Variants in SETD3 observed in about 807,000 individuals in gnomAD.
SETD3 encodes the protein SET domain containing 3, actin N3(tau)-histidine methyltransferase.
SETD3 carries 19 observed loss-of-function variants against 63.0 expected under a neutral mutation model. That is an observed-to-expected ratio of 0.30 (90% CI 0.21 to 0.44). The LOEUF (loss-of-function observed/expected upper bound fraction) is 0.44. Ranked by LOEUF, SETD3 falls within the 20% of genes least tolerant of loss-of-function variation. The pLI is 1.00. For synonymous variants in SETD3, 286 were observed against 264.1 expected (o/e 1.08, Z -0.80); for missense variants, 587 against 728.5 (o/e 0.81, Z 2.24).
At chr14:99,406,423 C>T in intron 9 of SETD3, 93 bp downstream of exon 9, 1 of 1,173,050 alleles carries the variant, frequency 8.5e-7, no homozygotes, top group South Asian at 1.3e-5. Context: ...CATTTTTTCC[C>T]CTAAGTTAAG....
intron 6 of SETD3, among the ~76,000 whole-genome samples, chr14:99,448,224 G>A (rs1894245774): frequency 6.6e-6 from 1 of 152,086 alleles, no homozygotes; most frequent in Admixed American, 6.5e-5. Flanking sequence ...AATGAGGACT[G>A]AAACTCCCTC....
chr14:99,400,021 G>GT, intron 12 of SETD3, 78 bp downstream of exon 12: 1 of 1,341,618 alleles, frequency 7.5e-7, no homozygotes. Context: ...GATTACAGGC[G>GT]TGAGCCACCG....
intron 4 of SETD3, 68 bp from the exon 5 acceptor site, chr14:99,459,253 C>T (rs374978488): frequency 1.1e-4 from 126 of 1,117,052 alleles, no homozygotes; most frequent in African/African-American, 1.0e-3. Flanking sequence ...ACCATATCTA[C>T]GGTCAGAAAT....
rs1352025730 is a variant in SETD3 at position 99,398,699 on chromosome 14, T to A, written c.1765A>T (p.Thr589Ser). Residue 589 changes from threonine (T) to serine (S), a missense_variant, in exon 13 of 13, where the codon ACT becomes TCT. Coordinates refer to ENST00000331768, the MANE Select transcript of SETD3 (RefSeq NM_032233.3). ...EDAKGSSSDSTAGVKE is the reference protein window; with the variant it reads ...EDAKGSSSDSSAGVKE ...TCGAGCTACTCCTTAACTCCAGCAG[T>A]GCTGTCTGAAGAAGATCCTTTGGCG... 1.2e-6 allele frequency: 2 copies of A among 1,614,090 alleles called. No individual in the cohort carries two copies. The highest frequency in any genetic ancestry group is 4.5e-5 in the East Asian group (2 of 44,884).
chr14:99,456,379 ATCG>A (rs1894760978), intron 6 of SETD3, among the ~76,000 whole-genome samples: 1 of 152,230 alleles, frequency 6.6e-6, no homozygotes. Context: ...TCCATATTTG[ATCG>A]TCGTTGACTA....
intron 9 of SETD3, among the ~76,000 whole-genome samples, chr14:99,406,270 CAACT>C (rs1252605801): frequency 3.3e-5 from 5 of 151,992 alleles, no homozygotes; most frequent in Admixed American, 1.3e-4. Flanking sequence ...GCCAATTGTG[CAACT>C]AACTGTGTTT....
intron 1 of SETD3, among the ~76,000 whole-genome samples, chr14:99,479,800 A>G (rs527350438): frequency 6.6e-6 from 1 of 152,304 alleles, no homozygotes; most frequent in South Asian, 2.1e-4. Flanking sequence ...ACATCACCTT[A>G]TTTATTTAGA....
chr14:99,414,958 G>A (rs534552113), intron 6 of SETD3, among the ~76,000 whole-genome samples: 1 of 152,338 alleles, frequency 6.6e-6, no homozygotes, highest in South Asian at 2.1e-4. Context: ...ATCGCTCACT[G>A]TAATGTACTC....
At chr14:99,473,575 C>T (rs1417148940) in intron 1 of SETD3, among the ~76,000 whole-genome samples, 1 of 152,134 alleles carries the variant, frequency 6.6e-6, no homozygotes, top group East Asian at 1.9e-4. Context: ...CCTGCATTGA[C>T]CCAACTTCAC....
At chr14:99,479,467 A>T (rs1331543123) in intron 1 of SETD3, among the ~76,000 whole-genome samples, 1 of 152,224 alleles carries the variant, frequency 6.6e-6, no homozygotes, top group Admixed American at 6.5e-5. Flanking sequence ...AACAGTGGAG[A>T]GGAAGACTGC....
upstream of SETD3, among the ~76,000 whole-genome samples, chr14:99,481,966 A>G (rs1280795498): frequency 6.6e-6 from 1 of 152,212 alleles, no homozygotes; most frequent in Non-Finnish European, 1.5e-5. Flanking sequence ...TAAGATGAGG[A>G]AAAGGCACTT....
At chr14:99,444,969 G>A (rs576613844) in intron 6 of SETD3, among the ~76,000 whole-genome samples, 3 of 152,166 alleles carry the variant, frequency 2.0e-5, no homozygotes, top group African/African-American at 7.2e-5. Context: ...GGCCATGATG[G>A]TAAAAGATAT....
chr14:99,425,982 T>C (rs1004701572), intron 6 of SETD3, among the ~76,000 whole-genome samples: 1 of 152,210 alleles, frequency 6.6e-6, no homozygotes, highest in African/African-American at 2.4e-5. Context: ...AGCTGTTGTA[T>C]TAACCTAGAG....
At chr14:99,399,242 T>A in intron 12 of SETD3, 117 bp from the exon 13 acceptor site, 1 of 748,154 alleles carries the variant, frequency 1.3e-6, no homozygotes, top group Non-Finnish European at 2.2e-6. Context: ...GACGGGAGGT[T>A]CTAACACTTG....
At chr14:99,404,348 C>T (rs371307194) in intron 10 of SETD3, 38 bp from the exon 11 acceptor site, 25 of 1,577,186 alleles carry the variant, frequency 1.6e-5, no homozygotes, top group East Asian at 2.2e-5. Flanking sequence ...CACCCTGCTG[C>T]GGTTACCCAC....
intron 8 of SETD3, among the ~76,000 whole-genome samples, chr14:99,411,101 T>C (rs763164505): frequency 6.6e-6 from 1 of 152,198 alleles, no homozygotes; most frequent in Non-Finnish European, 1.5e-5. Context: ...CATGAGATCT[T>C]ATAATTACAA....
intron 6 of SETD3, chr14:99,444,477 G>A (rs1894016556): frequency 6.6e-6 from 1 of 152,118 alleles, no homozygotes; most frequent in African/African-American, 2.4e-5. Flanking sequence ...AGATAGCGAG[G>A]ATACTGAACA....
At chr14:99,472,829 A>C (rs991186302) in intron 1 of SETD3, among the ~76,000 whole-genome samples, 1 of 152,204 alleles carries the variant, frequency 6.6e-6, no homozygotes, top group Non-Finnish European at 1.5e-5. Flanking sequence ...GGAAAATAGG[A>C]CCAAAAAAAT....
At chr14:99,399,211 C>A (rs1891246424) in intron 12 of SETD3, 86 bp from the exon 13 acceptor site, 1 of 1,200,280 alleles carries the variant, frequency 8.3e-7, no homozygotes, top group African/African-American at 1.5e-5. Context: ...GGGATGGGGA[C>A]ATGAGGGAAC....
Sources: allele counts gnomAD v4.1 joint callset (sites outside exome capture counted in the v4.1 genomes callset), GRCh38; gene constraint gnomAD v4.1.1; transcripts MANE v1.5; gene names NCBI Gene and HGNC (gene_info 2026-07-23, HGNC 2026-07-21).